PROM2: variants seen among roughly 807,000 people sequenced by gnomAD.
PROM2 encodes prominin 2.
PROM2 carries 90 observed loss-of-function variants against 110.2 expected under a neutral mutation model. The observed-to-expected ratio is 0.82, with a 90% CI of 0.69 to 0.97. The LOEUF is 0.97. Among genes scored for constraint, PROM2 ranks in the 50% least tolerant of loss-of-function variants. The pLI is 0.00. For synonymous variants in PROM2, 470 were observed against 467.8 expected, an observed-to-expected ratio of 1.00 and a Z score of -0.06; for missense variants, 1,009 against 1,074.8, an observed-to-expected ratio of 0.94 and a Z score of 0.86.
chr2:95,286,564 G>A lies in PROM2; in HGVS notation c.2033G>A (p.Ser678Asn), dbSNP rs1677367977. The change falls in exon 17 of 24, where the codon AGC becomes AAC. Residue 678 changes from serine (S) to asparagine (N), a missense_variant. Transcript: ENST00000317620. The stretch of plus-strand genomic sequence containing the variant: ...CAGGAGAAGGTCGTCCCCCAGCAGA[G>A]CCTTGTGGTCAGTTTGGAGGCCCGG... ...LHQEKVVPQQ[S>N]LVAKLNLSVR... is the part of the protein sequence containing the mutation. 6.2e-7 allele frequency: 1 copy of A among 1,613,384 alleles called. No individual in the cohort carries two copies. Among genetic ancestry groups the A allele is most frequent in the Admixed American group, 1.7e-5 (1 of 60,014 alleles).
At chr2:95,284,064 C>A (rs1428810960) in intron 14 of PROM2, among the ~76,000 whole-genome samples, 1 of 152,214 alleles carries the variant, frequency 6.6e-6, no homozygotes. Context: ...TGCCCAGAAG[C>A]CAGATGGGCA....
intron 20 of PROM2, among the ~76,000 whole-genome samples, chr2:95,287,887 A>ATG (rs1002655737): frequency 3.3e-5 from 5 of 152,010 alleles, no homozygotes; most frequent in Non-Finnish European, 7.4e-5. Context: ...CTGTGTGTCT[A>ATG]TGTGTGTGTG....
intron 10 of PROM2, among the ~76,000 whole-genome samples, 156 bp from the exon 11 acceptor site, chr2:95,279,689 A>T (rs886490587): frequency 6.6e-6 from 1 of 152,136 alleles, no homozygotes; most frequent in Non-Finnish European, 1.5e-5. Context: ...TGGAGACCAC[A>T]CAAGAGCAGT....
At position 95,286,864 on chromosome 2, in the gene PROM2, G is replaced by T; in HGVS notation, c.2094+7G>T. On this transcript the variant is annotated splice_region_variant and intron_variant, in intron 18 of 23. Coordinates refer to ENST00000317620, the MANE Select transcript of PROM2 (RefSeq NM_001165978.3). ...CTCTGCCCCGAATCTCCAGGTGGCT[G>T]CTGTTGGTGGGGACGTATGGTGGAG... The T allele has an allele frequency of 6.2e-7, 1 of 1,613,588 alleles. No homozygotes were observed. The highest frequency in any genetic ancestry group is 8.5e-7 in the Non-Finnish European group (1 of 1,179,890).
intron 7 of PROM2, 161 bp downstream of exon 7, chr2:95,277,727 C>A: frequency 1.3e-6 from 1 of 798,146 alleles, no homozygotes; most frequent in Non-Finnish European, 1.9e-6. Context: ...GAGTGCTCCC[C>A]AGGCCACGCC....
rs553044173 is a variant in PROM2 at position 95,279,532 on chromosome 2, T to A, written c.1275-313T>A. Among the ~76,000 whole-genome samples, 5 of 152,286 alleles carry A rather than the reference T, an allele frequency of 3.3e-5. No individual in the cohort carries two copies. In the South Asian group the frequency reaches 1.0e-3, roughly 32 times the overall value. On this transcript the variant is annotated intron_variant, in intron 10 of 23. Coordinates refer to ENST00000317620, the MANE Select transcript of PROM2 (RefSeq NM_001165978.3). ...GGATTGTCTCTATCTCTTGACCTTG[T>A]GATCCACCAGCCTTGGCCTCCCAAA... is the stretch of plus-strand genomic sequence containing the variant.
At position 95,276,536 on chromosome 2, in the gene PROM2, G is replaced by A; in HGVS notation, c.619-58G>A. 6.2e-7 allele frequency: 1 copy of A among 1,611,414 alleles called. No individual in the cohort carries two copies. The highest frequency in any genetic ancestry group is 8.5e-7 in the Non-Finnish European group (1 of 1,177,724). ...GGCAGGGAAGGGGCCAGGGAGAGAAGGGCGTAAGGACTGTGGGTGACCAGG... is the reference window on the plus strand; with the variant it reads ...GGCAGGGAAGGGGCCAGGGAGAGAAAGGCGTAAGGACTGTGGGTGACCAGG... On this transcript the variant is annotated intron_variant, in intron 4 of 23. Coordinates refer to ENST00000317620, the MANE Select transcript of PROM2 (RefSeq NM_001165978.3). The surrounding 1 kb of genome is among the most constrained non-coding windows in gnomAD (Gnocchi z 4.6).
chr2:95,287,337 G>A (rs1453781669), intron 19 of PROM2, 59 bp from the exon 20 acceptor site: 6 of 1,595,372 alleles, frequency 3.8e-6, no homozygotes, highest in African/African-American at 1.3e-5. Context: ...GGTGGCGTGG[G>A]TGGGGGGCAC....
Position 95,290,483 on chromosome 2 carries a change from G to GTA in PROM2, c.*1270_*1271insTA, listed in dbSNP as rs914393230. On this transcript the variant is annotated 3_prime_UTR_variant, in exon 24 of 24. Transcript: ENST00000317620. ...CAGGTAGGGAGTGGGTCCCAGCCTGGGAGCCTGCTGTCAGGAGCAGGCAGA... is the reference window on the plus strand; with the variant it reads ...CAGGTAGGGAGTGGGTCCCAGCCTGGTAGAGCCTGCTGTCAGGAGCAGGCAGA... The GTA allele has an allele frequency of 5.9e-5, 9 of 152,204 alleles. No homozygotes were observed. Among genetic ancestry groups the GTA allele is most frequent in the African/African-American group, 2.2e-4 (9 of 41,456 alleles). The allele number at this position is 152,204 out of a possible 1,614,324, so 9.4% of individuals were successfully genotyped here. A position where few individuals can be genotyped will look rare whatever the true frequency, so the allele number is the denominator to read the frequency against.
intron 14 of PROM2, among the ~76,000 whole-genome samples, chr2:95,283,997 T>C (rs1677198145): frequency 6.6e-6 from 1 of 152,222 alleles, no homozygotes; most frequent in African/African-American, 2.4e-5. Flanking sequence ...GCTGATGGGA[T>C]AAAGAGCGGC....
chr2:95,288,352 G>T lies in PROM2; in HGVS notation c.2334+52G>T, dbSNP rs766198128. ...GTTCACCAAGTCCCGGAGCCTTCCTGCTCTCCAGGGAGGGCCGGGTGAGCA... is the reference window on the plus strand; with the variant it reads ...GTTCACCAAGTCCCGGAGCCTTCCTTCTCTCCAGGGAGGGCCGGGTGAGCA... On this transcript the variant is annotated intron_variant, in intron 21 of 23. Transcript: ENST00000317620. 2.4e-5 allele frequency: 39 copies of T among 1,605,580 alleles called. 1 individual carries two copies. In the South Asian group the frequency reaches 4.2e-4, roughly 17 times the overall value.
Position 95,278,971 on chromosome 2 carries a change from G to T in PROM2, c.1115-14G>T, listed in dbSNP as rs766774264. The T allele has an allele frequency of 1.3e-4, 210 of 1,598,234 alleles. No homozygotes were observed. Among genetic ancestry groups the T allele is most frequent in the Non-Finnish European group, 1.8e-4 (205 of 1,170,366 alleles). ...TGCCCTCCGCATCCCACAAGTCCCT[G>T]TTACTTTGGGCAGAGCTGAAGAAGG... On this transcript the variant is annotated splice_polypyrimidine_tract_variant and intron_variant, in intron 9 of 23. Coordinates refer to ENST00000317620, the MANE Select transcript of PROM2 (RefSeq NM_001165978.3).
rs771618901 is a variant in PROM2 at position 95,288,514 on chromosome 2, C to A, written c.2366C>A (p.Thr789Asn). Residue 789 changes from threonine (T) to asparagine (N), a missense_variant, in exon 22 of 24, where the codon ACC (threonine) becomes AAC (asparagine). Thr to Asn is a moderately conservative substitution (Grantham distance 65). Coordinates refer to ENST00000317620, the MANE Select transcript of PROM2 (RefSeq NM_001165978.3). ...TTCTGGTTCTGCCTGGCATGGTGCA[C>A]CTTCTTCCTGATCCCCAGCATCATC... ...NAFWFCLAWCTFFLIPSIIFA... is the reference protein window; with the variant it reads ...NAFWFCLAWCNFFLIPSIIFA... 6.2e-7 allele frequency: 1 copy of A among 1,614,222 alleles called. No homozygotes were observed. The highest frequency in any genetic ancestry group is 8.5e-7 in the Non-Finnish European group (1 of 1,180,034).
At chr2:95,282,093 C>G (rs1185268978) in intron 13 of PROM2, 49 bp from the exon 14 acceptor site, 1 of 1,608,124 alleles carries the variant, frequency 6.2e-7, no homozygotes, top group South Asian at 1.1e-5. Flanking sequence ...GACATCAGCC[C>G]CCCCGCCACC....
chr2:95,279,548 G>T (rs1034952902), intron 10 of PROM2, among the ~76,000 whole-genome samples: 10 of 152,084 alleles, frequency 6.6e-5, no homozygotes, highest in African/African-American at 2.4e-4. Flanking sequence ...ACCAGCCTTG[G>T]CCTCCCAAAG....
intron 10 of PROM2, 84 bp from the exon 11 acceptor site, chr2:95,279,761 C>T (rs1370653680): frequency 3.3e-6 from 4 of 1,217,748 alleles, no homozygotes; most frequent in East Asian, 2.8e-5. Context: ...TTAGAGGCCA[C>T]ACCCGGTCGC....
chr2:95,277,469 G>A lies in PROM2; in HGVS notation c.878G>A (p.Arg293His), dbSNP rs1435240102. The A allele has an allele frequency of 4.3e-6, 7 of 1,612,808 alleles. No homozygotes were observed. Among genetic ancestry groups the A allele is most frequent in the South Asian group, 1.1e-5 (1 of 91,010 alleles). Residue 293 changes from arginine (R) to histidine (H), a missense_variant, in exon 7 of 24, where the codon CGC (arginine) becomes CAC (histidine). Arg to His is a conservative substitution (Grantham distance 29). Transcript: ENST00000317620. ...LEPAIREHRD[R>H]LLELLQEARC... is the part of the protein sequence containing the mutation. ...CCAGCCATCCGGGAACACCGGGACC[G>A]CCTCCTTGAGCTGCTGCAGGAGGCC...
intron 16 of PROM2, 86 bp downstream of exon 16, chr2:95,285,796 A>G: frequency 7.4e-7 from 1 of 1,352,186 alleles, no homozygotes; most frequent in Admixed American, 2.0e-5. Context: ...GTGAGGGCAA[A>G]GGCAGGGAAC....
chr2:95,277,074 C>A lies in PROM2; in HGVS notation c.772+13C>A, dbSNP rs372626448. 13 of 1,548,544 alleles carry A rather than the reference C, an allele frequency of 8.4e-6. No individual in the cohort carries two copies. The highest frequency in any genetic ancestry group is 1.1e-5 in the Non-Finnish European group (13 of 1,145,470). On this transcript the variant is annotated intron_variant, in intron 6 of 23. Coordinates refer to ENST00000317620, the MANE Select transcript of PROM2 (RefSeq NM_001165978.3). ...AGTTTGGGCCAGGGTGAGCTGGAGC[C>A]GCATCCTGGATAGTGTGGAGCCCAG...
Sources: gnomAD v4.1 joint callset for allele counts (sites outside exome capture counted in the v4.1 genomes callset) on GRCh38, gnomAD v4.1.1 for gene constraint, Gnocchi (gnomAD v3.1) non-coding constraint, MANE v1.5 for transcripts, NCBI Gene and HGNC (gene_info 2026-07-23, HGNC 2026-07-21) for gene names.